NAALADL2: variants seen among roughly 807,000 people sequenced by gnomAD.
The protein encoded by NAALADL2 is N-acetylated alpha-linked acidic dipeptidase like 2.
NAALADL2 carries 76 observed loss-of-function variants against 87.2 expected under a neutral mutation model. The ratio of observed to expected loss-of-function variants is 0.87; its 90% CI spans 0.72 to 1.05. The LOEUF (loss-of-function observed/expected upper bound fraction) is 1.05, where lower values mean the gene tolerates loss of function less well. NAALADL2 is among the 50% of genes least tolerant of loss of function. NAALADL2 has a pLI of 0.00. For missense variants in NAALADL2, 1,089 were observed against 945.8 expected (o/e 1.15, Z -1.99); for synonymous variants, 354 against 331.0 (o/e 1.07, Z -0.75).
intron 4 of NAALADL2, among the ~76,000 whole-genome samples, chr3:175,323,610 T>C (rs1249132257): frequency 6.9e-6 from 1 of 144,120 alleles, no homozygotes; most frequent in East Asian, 2.1e-4. Flanking sequence ...ACAATTGAAA[T>C]AAAATATAGA....
chr3:175,131,814 C>CG (rs1197987924), intron 2 of NAALADL2, among the ~76,000 whole-genome samples: 3 of 134,132 alleles, frequency 2.2e-5, no homozygotes, highest in Non-Finnish European at 4.8e-5. Flanking sequence ...CCTGGCCGGG[C>CG]GGGGGGCTGA....
chr3:174,725,676 C>A (rs146174701), intron 2 of NAALADL2, among the ~76,000 whole-genome samples: 1 of 152,188 alleles, frequency 6.6e-6, no homozygotes, highest in East Asian at 1.9e-4. Context: ...TCTAGAGAAC[C>A]GTTTTTTATA....
chr3:174,470,945 T>C (rs1716859155), intron 1 of NAALADL2, among the ~76,000 whole-genome samples: 1 of 152,176 alleles, frequency 6.6e-6, no homozygotes, highest in Admixed American at 6.5e-5. Flanking sequence ...TGGGCTATTA[T>C]AAATAAGTCA....
In NAALADL2 at chr3:175,809,509, CTTAAAAAAAAAAAAAAAAAAAAA is replaced by C. The variant is rs1754990280; in HGVS notation, c.*6307_*6329del. ...GGCAACAAAGTGAGACCCTGTCTCT[CTTAAAAAAAAAAAAAAAAAAAAA>C]AAAAAAAGAAAAGAAAAAGTAGCTA... On this transcript the variant is annotated 3_prime_UTR_variant, in exon 14 of 14. Coordinates refer to ENST00000454872, the MANE Select transcript of NAALADL2 (RefSeq NM_207015.3). 1 of 79,258 alleles carries C rather than the reference CTTAAAAAAAAAAAAAAAAAAAAA, an allele frequency of 1.3e-5. No individual in the cohort carries two copies. Among genetic ancestry groups the C allele is most frequent in the Non-Finnish European group, 2.3e-5 (1 of 43,058 alleles). The allele number at this position is 79,258 out of a possible 1,614,324, so 4.9% of individuals were successfully genotyped here. A position where few individuals can be genotyped will look rare whatever the true frequency, so the allele number is the denominator to read the frequency against.
chr3:175,034,917 T>G (rs1204051237), intron 1 of NAALADL2, among the ~76,000 whole-genome samples: 1 of 152,196 alleles, frequency 6.6e-6, no homozygotes, highest in African/African-American at 2.4e-5. Context: ...CTTTAATGTG[T>G]GTCTTCTCTC....
intron 2 of NAALADL2, among the ~76,000 whole-genome samples, chr3:175,170,949 A>T (rs1170249591): frequency 6.6e-6 from 1 of 151,990 alleles, no homozygotes; most frequent in Non-Finnish European, 1.5e-5. Flanking sequence ...GGCTGCCATC[A>T]GAGAGTTATA....
chr3:175,443,473 G>C (rs985338953), intron 5 of NAALADL2, among the ~76,000 whole-genome samples: 1 of 152,150 alleles, frequency 6.6e-6, no homozygotes, highest in Non-Finnish European at 1.5e-5. Context: ...AGGATAATCA[G>C]CGAATTGATA....
chr3:175,192,890 A>G (rs369847589), intron 2 of NAALADL2, among the ~76,000 whole-genome samples: 16 of 152,100 alleles, frequency 1.1e-4, no homozygotes, highest in African/African-American at 3.6e-4. Context: ...TGTAGCCACA[A>G]TATGATAAAA....
chr3:175,073,491 C>T (rs1367385668), intron 1 of NAALADL2, among the ~76,000 whole-genome samples: 1 of 152,024 alleles, frequency 6.6e-6, no homozygotes, highest in African/African-American at 2.4e-5. Context: ...CCACGGTTAC[C>T]TGGAACATCA....
chr3:174,799,735 T>C (rs147515811), intron 3 of NAALADL2, among the ~76,000 whole-genome samples: 3 of 152,182 alleles, frequency 2.0e-5, no homozygotes, highest in African/African-American at 7.2e-5. Context: ...GAGGTTGGAA[T>C]AGTTTGGAGG....
chr3:175,279,315 G>A (rs1028142513), intron 4 of NAALADL2, among the ~76,000 whole-genome samples: 2 of 151,984 alleles, frequency 1.3e-5, no homozygotes, highest in African/African-American at 4.8e-5. Flanking sequence ...TTCTAGCAAC[G>A]GCTCTAGGAA....
chr3:175,159,699 T>G (rs1439364198), intron 2 of NAALADL2, among the ~76,000 whole-genome samples: 7 of 152,192 alleles, frequency 4.6e-5, no homozygotes, highest in African/African-American at 1.7e-4. Flanking sequence ...AATGAATTAG[T>G]GTAGTACCTA....
intron 9 of NAALADL2, among the ~76,000 whole-genome samples, chr3:175,489,792 T>C (rs1171086286): frequency 6.6e-6 from 1 of 152,190 alleles, no homozygotes; most frequent in East Asian, 1.9e-4. Flanking sequence ...TTTTGAGTCT[T>C]CTACTCCAAA....
At chr3:175,411,742 G>GTATTTTAA (rs1228224129) in intron 5 of NAALADL2, among the ~76,000 whole-genome samples, 1 of 151,984 alleles carries the variant, frequency 6.6e-6, no homozygotes, top group African/African-American at 2.4e-5. Context: ...AGAAACAAAA[G>GTATTTTAA]TATTTTAATT....
intron 1 of NAALADL2, among the ~76,000 whole-genome samples, chr3:174,471,128 A>G (rs975419606): frequency 6.6e-6 from 1 of 152,090 alleles, no homozygotes; most frequent in Non-Finnish European, 1.5e-5. Context: ...TTGATGGTTA[A>G]AACATGATAG....
intron 1 of NAALADL2, among the ~76,000 whole-genome samples, chr3:174,980,415 A>G (rs973011288): frequency 6.6e-6 from 1 of 152,140 alleles, no homozygotes; most frequent in African/African-American, 2.4e-5. Context: ...CAGGAAGATC[A>G]CTTGAACCCA....
At position 174,996,899 on chromosome 3, in the gene NAALADL2, A is replaced by G. The variant is rs141491792; in HGVS notation, c.44-99891A>G. Among the ~76,000 whole-genome samples, 11 of 152,006 alleles carry G rather than the reference A, an allele frequency of 7.2e-5. No individual in the cohort carries two copies. The East Asian group carries it at 2.1e-3, about 29-fold the overall frequency. Reference sequence around the variant, plus strand: ...GAGAACATACAATATTTGGTTTTCCATTCATGAGCTACTTAGAATAATGGC... The same window carrying G: ...GAGAACATACAATATTTGGTTTTCCGTTCATGAGCTACTTAGAATAATGGC... On this transcript the variant is annotated intron_variant, in intron 1 of 13. Coordinates refer to ENST00000454872, the MANE Select transcript of NAALADL2 (RefSeq NM_207015.3).
intron 13 of NAALADL2, among the ~76,000 whole-genome samples, chr3:175,795,997 T>A (rs1026746891): frequency 2.7e-5 from 4 of 150,536 alleles, no homozygotes; most frequent in Admixed American, 2.7e-4. Flanking sequence ...CAGATCCTTG[T>A]GTTATTTCCT....
intron 5 of NAALADL2, among the ~76,000 whole-genome samples, chr3:175,433,093 G>A (rs552075833): frequency 1.4e-4 from 21 of 151,908 alleles, no homozygotes; most frequent in African/African-American, 2.7e-4. Context: ...TTTTCCAGTC[G>A]TCTCCCAGCT....
Sources: gnomAD v4.1 joint callset for allele counts (sites outside exome capture counted in the v4.1 genomes callset) on GRCh38, gnomAD v4.1.1 for gene constraint, MANE v1.5 for transcripts, NCBI Gene and HGNC (gene_info 2026-07-23, HGNC 2026-07-21) for gene names.